The following KIF5B variants were observed in gnomAD, a reference collection of about 807,000 sequenced individuals.
KIF5B encodes kinesin-1 heavy chain.
A neutral mutation model predicts 132.8 loss-of-function variants in KIF5B; 49 were observed. The ratio of observed to expected loss-of-function variants is 0.37; its 90% CI spans 0.29 to 0.47. The LOEUF (loss-of-function observed/expected upper bound fraction) is 0.47. Ranked by LOEUF, KIF5B falls within the 20% of genes least tolerant of loss-of-function variation. The probability of loss-of-function intolerance (pLI) is 1.00; values close to 1 mark genes in which losing one functional copy is unlikely to be tolerated. For synonymous variants in KIF5B, 355 were observed against 369.4 expected, an observed-to-expected ratio of 0.96 and a Z score of 0.45; for missense variants, 780 against 1,144.0, an observed-to-expected ratio of 0.68 and a Z score of 4.59.
At chr10:32,038,702 G>T in intron 5 of KIF5B, 76 bp downstream of exon 5, 1 of 886,448 alleles carries the variant, frequency 1.1e-6, no homozygotes, top group Non-Finnish European at 1.8e-6. Flanking sequence ...AGGTTACAAA[G>T]AAATAGTCTC....
At position 32,011,139 on chromosome 10, in the gene KIF5B, T is replaced by G. The variant is rs1841074177; in HGVS notation, c.*398A>C. The G allele has an allele frequency of 6.6e-6, 1 of 152,308 alleles. No individual in the cohort carries two copies. Among genetic ancestry groups the G allele is most frequent in the Non-Finnish European group, 1.5e-5 (1 of 67,992 alleles). 9.4% of individuals were successfully genotyped at this position (152,308 alleles called of 1,614,324 possible). On this transcript the variant is annotated 3_prime_UTR_variant, in exon 26 of 26. Coordinates refer to ENST00000302418, the MANE Select transcript of KIF5B (RefSeq NM_004521.3). ...ATAGGAAAAGAAAAACAAGAAGCAGTAGCAGCTAGGTAATTTAAACTGAGA... is the reference window on the plus strand; with the variant it reads ...ATAGGAAAAGAAAAACAAGAAGCAGGAGCAGCTAGGTAATTTAAACTGAGA...
Position 32,016,038 on chromosome 10 carries a change from G to A in KIF5B, c.2762-379C>T, listed in dbSNP as rs211396. ...GTGCACCTGTAGTCCCAGCTACTTG[G>A]AAGGCTGAGGTGGGAGGATTGCATG... On this transcript the variant is annotated intron_variant, in intron 24 of 25. Coordinates refer to ENST00000302418, the MANE Select transcript of KIF5B (RefSeq NM_004521.3). Among the ~76,000 whole-genome samples the A allele has an allele frequency of 2.0e-3, 301 of 152,178 alleles. 3 individuals carry two copies. Among genetic ancestry groups the A allele is most frequent in the Admixed American group, 5.0e-3 (76 of 15,276 alleles).
chr10:32,040,816 G>A lies in KIF5B; in HGVS notation c.215-359C>T, dbSNP rs187307503. On this transcript the variant is annotated intron_variant, in intron 2 of 25. Coordinates refer to ENST00000302418, the MANE Select transcript of KIF5B (RefSeq NM_004521.3). ...AGCCTGGTCAGCATGGTGAAACCCT[G>A]TCTCTACTAAAAATACAAAAAATTA... Among the ~76,000 whole-genome samples the A allele has an allele frequency of 2.8e-3, 423 of 151,942 alleles. 1 individual carries two copies. The highest frequency in any genetic ancestry group is 9.9e-3 in the African/African-American group (412 of 41,450).
intron 5 of KIF5B, 132 bp downstream of exon 5, chr10:32,038,646 G>GA: frequency 1.6e-6 from 1 of 614,860 alleles, no homozygotes; most frequent in East Asian, 2.9e-5. Flanking sequence ...AACTTTAGAA[G>GA]AAAAAAAATT....
At chr10:32,055,784 C>A in intron 1 of KIF5B, 64 bp downstream of exon 1, 1 of 1,588,818 alleles carries the variant, frequency 6.3e-7, no homozygotes, top group South Asian at 1.1e-5. Flanking sequence ...TGCCACTTCC[C>A]TAAACTCCCC....
intron 9 of KIF5B, 29 bp downstream of exon 9, chr10:32,035,861 A>C (rs763498243): frequency 4.6e-6 from 7 of 1,537,582 alleles, no homozygotes; most frequent in Non-Finnish European, 5.4e-6. Context: ...CCATAAGGTA[A>C]CAGGGAGATA....
At chr10:32,039,514 G>T (rs1022205217) in intron 3 of KIF5B, 83 bp from the exon 4 acceptor site, 3 of 683,948 alleles carry the variant, frequency 4.4e-6, no homozygotes, top group Middle Eastern at 3.2e-4. Flanking sequence ...ACAACTTATA[G>T]TCAAGAAAGG....
chr10:32,020,404 A>G (rs1592439639), intron 19 of KIF5B, among the ~76,000 whole-genome samples: 1 of 152,040 alleles, frequency 6.6e-6, no homozygotes, highest in East Asian at 1.9e-4. Context: ...ACCTTTGAAA[A>G]TCCATAGAAT....
chr10:32,011,886 AG>A (rs1374732877), intron 25 of KIF5B, among the ~76,000 whole-genome samples: 7 of 152,154 alleles, frequency 4.6e-5, no homozygotes, highest in African/African-American at 1.7e-4. Context: ...TCTTAAACCA[AG>A]GAACACTAAC....
chr10:32,012,874 G>A (rs965093770), intron 25 of KIF5B, among the ~76,000 whole-genome samples: 3 of 151,834 alleles, frequency 2.0e-5, no homozygotes, highest in African/African-American at 7.3e-5. Flanking sequence ...AATACTGTGT[G>A]CTGGGTAACA....
rs878958729 is a variant in KIF5B, at chr10:32,035,828, T to C, written c.816+62A>G. ...TCTCATACACACCCAGGCACACATA[T>C]ACACCTATATTTAAATAATGCCCCA... On this transcript the variant is annotated intron_variant, in intron 9 of 25. Transcript: ENST00000302418. 38 of 1,381,332 alleles carry C rather than the reference T, an allele frequency of 2.8e-5. No homozygotes were observed. In the South Asian group the frequency reaches 4.4e-4, roughly 16 times the overall value. 85.6% of individuals were successfully genotyped at this position (1,381,332 alleles called of 1,614,324 possible). A position where few individuals can be genotyped will look rare whatever the true frequency, so the allele number is the denominator to read the frequency against.
Position 32,018,599 on chromosome 10 carries a change from T to C in KIF5B, c.2307-37A>G, listed in dbSNP as rs200417731. 645 of 1,321,566 alleles carry C rather than the reference T, an allele frequency of 4.9e-4. 3 individuals carry two copies. Among genetic ancestry groups the C allele is most frequent in the African/African-American group, 4.3e-3 (154 of 36,066 alleles). 81.9% of individuals were successfully genotyped at this position (1,321,566 alleles called of 1,614,324 possible). A position where few individuals can be genotyped will look rare whatever the true frequency, so the allele number is the denominator to read the frequency against. On this transcript the variant is annotated intron_variant, in intron 20 of 25. Transcript: ENST00000302418. ...AGAACAAACATATATTTTCAAATTT[T>C]ATTCTGTATATTGTACTTAGCATGA...
chr10:32,021,851 G>A (rs764819423), intron 17 of KIF5B, among the ~76,000 whole-genome samples: 1 of 151,972 alleles, frequency 6.6e-6, no homozygotes, highest in Non-Finnish European at 1.5e-5. Flanking sequence ...ATGTGCCTGT[G>A]GTCCTAGCTA....
At chr10:32,024,592 A>G (rs10827005) in intron 15 of KIF5B, among the ~76,000 whole-genome samples, 115,178 of 151,328 alleles carry the variant, frequency 0.76, 44,202 homozygotes, top group East Asian at 0.99. Flanking sequence ...GGCGAAACCC[A>G]GTTGCTACTA....
intron 8 of KIF5B, among the ~76,000 whole-genome samples, chr10:32,036,910 T>C (rs1841467795): frequency 6.6e-6 from 1 of 152,174 alleles, no homozygotes; most frequent in Non-Finnish European, 1.5e-5. Flanking sequence ...CCAGTTTTAA[T>C]AGGGACCCCA....
rs1440007173 is a variant in KIF5B, at chr10:32,010,133, T to A, written c.*1404A>T. The A allele has an allele frequency of 6.6e-6, 1 of 152,180 alleles. No individual in the cohort carries two copies. The highest frequency in any genetic ancestry group is 2.4e-5 in the African/African-American group (1 of 41,454). The allele number at this position is 152,180 out of a possible 1,614,324, so 9.4% of individuals were successfully genotyped here. On this transcript the variant is annotated 3_prime_UTR_variant, in exon 26 of 26. Coordinates refer to ENST00000302418, the MANE Select transcript of KIF5B (RefSeq NM_004521.3). ...TGCCAGCAAGATCCTAACACAGAAC[T>A]TTCCAAGTTTCTCTGCTAACCTTAA...
intron 7 of KIF5B, 68 bp downstream of exon 7, chr10:32,037,452 A>G (rs1841475779): frequency 1.9e-6 from 3 of 1,591,214 alleles, no homozygotes; most frequent in Non-Finnish European, 2.6e-6. Context: ...GCAATCTTAT[A>G]ATTAATCACC....
rs756090382 is a variant in KIF5B at position 32,037,534 on chromosome 10, T to C, written c.572A>G (p.His191Arg). ...DTIDEGKSNR[H>R]VAVTNMNEHS... Reference sequence around the variant, plus strand: ...TTTCTACTTACTTGTAACTGCTACATGTCTGTTGGATTTTCCTTCATCTAT... The same window carrying C: ...TTTCTACTTACTTGTAACTGCTACACGTCTGTTGGATTTTCCTTCATCTAT... The change falls in exon 7 of 26, where the codon CAT (histidine) becomes CGT (arginine). Residue 191 changes from histidine (H) to arginine (R), a missense_variant. This residue lies in a region of KIF5B where 76 missense variants were observed against 146.4 expected (regional missense o/e 0.52). Coordinates refer to ENST00000302418, the MANE Select transcript of KIF5B (RefSeq NM_004521.3). The C allele has an allele frequency of 6.2e-7, 1 of 1,611,612 alleles. No individual in the cohort carries two copies. Among genetic ancestry groups the C allele is most frequent in the African/African-American group, 1.3e-5 (1 of 74,886 alleles).
At chr10:32,034,111 A>AT (rs11288781) in intron 11 of KIF5B, 73 bp from the exon 12 acceptor site, 28,650 of 691,722 alleles carry the variant, frequency 0.041, 17 homozygotes, top group Middle Eastern at 0.046. Flanking sequence ...TCCTTTAAAA[A>AT]TTTTTTTTTT....
Sources: gnomAD v4.1 joint callset for allele counts (sites outside exome capture counted in the v4.1 genomes callset) on GRCh38, gnomAD v4.1.1 for gene constraint, gnomAD v4.1.1 regional missense constraint, MANE v1.5 for transcripts, NCBI Gene and HGNC (gene_info 2026-07-23, HGNC 2026-07-21) for gene names.